The following GRM5 variants were observed in gnomAD, a reference collection of about 807,000 sequenced individuals.
The protein encoded by GRM5 is metabotropic glutamate receptor 5.
Under a neutral mutation model 83.1 loss-of-function variants are expected in GRM5, and 19 were observed. The observed-to-expected ratio is 0.23, with a 90% CI of 0.16 to 0.34. The LOEUF (loss-of-function observed/expected upper bound fraction) is 0.34. GRM5 is among the 10% of genes least tolerant of loss of function. The probability of loss-of-function intolerance (pLI) is 1.00; values close to 1 mark genes in which losing one functional copy is unlikely to be tolerated. For synonymous variants in GRM5, 675 were observed against 633.6 expected (o/e 1.07, Z -0.98); for missense variants, 1,160 against 1,588.3 (o/e 0.73, Z 4.58).
At chr11:88,735,062 T>C (rs977280945) in intron 3 of GRM5, among the ~76,000 whole-genome samples, 5 of 152,134 alleles carry the variant, frequency 3.3e-5, no homozygotes, top group Middle Eastern at 3.4e-3. Context: ...AATAAACCTA[T>C]CTTAAGATCT....
intron 2 of GRM5, among the ~76,000 whole-genome samples, chr11:88,886,281 A>G (rs368190934): frequency 7.0e-4 from 106 of 152,248 alleles, no homozygotes; most frequent in Middle Eastern, 3.4e-3. Context: ...CTGGGTTTAC[A>G]CCCCAGACAT....
intron 8 of GRM5, among the ~76,000 whole-genome samples, chr11:88,566,168 A>G (rs1378685087): frequency 1.3e-5 from 2 of 152,214 alleles, no homozygotes; most frequent in South Asian, 2.1e-4. Flanking sequence ...TACACATTAC[A>G]CTTCTTAAAT....
chr11:88,813,762 TAAAG>T (rs1943624229), intron 3 of GRM5, among the ~76,000 whole-genome samples: 3 of 152,292 alleles, frequency 2.0e-5, no homozygotes, highest in South Asian at 4.1e-4. Context: ...ATATAACATA[TAAAG>T]ATTCATATAA....
At chr11:88,581,413 C>T (rs1189925586) in intron 7 of GRM5, among the ~76,000 whole-genome samples, 2 of 152,134 alleles carry the variant, frequency 1.3e-5, no homozygotes, top group African/African-American at 4.8e-5. Flanking sequence ...TGCTTTAAGT[C>T]GCACAATGAG....
At chr11:88,865,273 G>T (rs1944642558) in intron 2 of GRM5, among the ~76,000 whole-genome samples, 1 of 152,052 alleles carries the variant, frequency 6.6e-6, no homozygotes, top group Non-Finnish European at 1.5e-5. Flanking sequence ...GCAACCACCT[G>T]ATGTTTGACA....
intron 7 of GRM5, among the ~76,000 whole-genome samples, chr11:88,589,186 C>T (rs1249015818): frequency 6.6e-6 from 1 of 152,082 alleles, no homozygotes; most frequent in Non-Finnish European, 1.5e-5. Context: ...GCTCCTCACC[C>T]TTCTTCAAGA....
chr11:88,923,339 C>T (rs536278060), intron 2 of GRM5, among the ~76,000 whole-genome samples: 170 of 152,162 alleles, frequency 1.1e-3, no homozygotes, highest in Non-Finnish European at 1.9e-3. Flanking sequence ...GCAAATGTAG[C>T]GCATATACAC....
At position 88,545,454 on chromosome 11, in the gene GRM5, GC is replaced by G. The variant is rs576047531; in HGVS notation, c.2631-20051del. 2.2e-4 allele frequency among the ~76,000 whole-genome samples: 32 copies of G among 147,670 alleles called. 1 individual carries two copies. The highest frequency in any genetic ancestry group is 3.1e-4 in the Non-Finnish European group (21 of 66,930). On this transcript the variant is annotated intron_variant, in intron 8 of 9. Transcript: ENST00000305447. ...GTCCTATTATTATCAAATGCAGTTG[GC>G]CCCCCCTCCCCCACCCTTTGATTCT...
intron 3 of GRM5, among the ~76,000 whole-genome samples, chr11:88,722,016 G>A (rs181012362): frequency 3.9e-5 from 6 of 152,240 alleles, no homozygotes; most frequent in East Asian, 1.9e-4. Context: ...CACATGGCCC[G>A]ACACTGGGTA....
intron 9 of GRM5, among the ~76,000 whole-genome samples, chr11:88,512,718 A>G (rs571541255): frequency 6.6e-6 from 1 of 152,318 alleles, no homozygotes; most frequent in East Asian, 1.9e-4. Context: ...CATTTGGTTA[A>G]GGTTGTTTTG....
At chr11:88,751,364 A>C (rs571946409) in intron 3 of GRM5, among the ~76,000 whole-genome samples, 1 of 152,328 alleles carries the variant, frequency 6.6e-6, no homozygotes, top group South Asian at 2.1e-4. Context: ...GAAGAAACCG[A>C]TACATTTCTG....
chr11:88,526,363 TA>T (rs1303755428), intron 8 of GRM5, among the ~76,000 whole-genome samples: 1 of 152,198 alleles, frequency 6.6e-6, no homozygotes, highest in African/African-American at 2.4e-5. Flanking sequence ...GTAAGGTTTT[TA>T]AAAAAGAACT....
At chr11:88,866,172 G>A (rs1270619680) in intron 2 of GRM5, among the ~76,000 whole-genome samples, 3 of 152,170 alleles carry the variant, frequency 2.0e-5, no homozygotes, top group South Asian at 4.1e-4. Context: ...ATCAGTGATA[G>A]ACTGGATAAA....
chr11:88,828,740 A>C (rs1943935999), intron 3 of GRM5, among the ~76,000 whole-genome samples: 2 of 152,064 alleles, frequency 1.3e-5, no homozygotes, highest in South Asian at 4.1e-4. Flanking sequence ...TGCATGTTTA[A>C]AATCCAAAAC....
At chr11:89,050,546 T>G (rs1180656563) in intron 1 of GRM5, among the ~76,000 whole-genome samples, 1 of 152,192 alleles carries the variant, frequency 6.6e-6, no homozygotes, top group Admixed American at 6.5e-5. Context: ...CCACGCTGAC[T>G]TCCACAATGA....
At chr11:88,904,265 G>A (rs1474794700) in intron 2 of GRM5, among the ~76,000 whole-genome samples, 3 of 152,192 alleles carry the variant, frequency 2.0e-5, no homozygotes, top group African/African-American at 7.2e-5. Context: ...CACTTGTCAA[G>A]CTTTCATTGC....
At chr11:88,565,119 C>G (rs1008468877) in intron 8 of GRM5, among the ~76,000 whole-genome samples, 1 of 150,986 alleles carries the variant, frequency 6.6e-6, no homozygotes, top group South Asian at 2.1e-4. Context: ...TTCTTTATCT[C>G]CATTTTTTCG....
chr11:88,754,766 C>A (rs557933562), intron 3 of GRM5, among the ~76,000 whole-genome samples: 2 of 151,972 alleles, frequency 1.3e-5, no homozygotes, highest in South Asian at 4.2e-4. Flanking sequence ...CCTTTTTATC[C>A]CCTCCTAAAT....
At chr11:88,951,758 G>A (rs1278868632) in intron 2 of GRM5, among the ~76,000 whole-genome samples, 1 of 152,190 alleles carries the variant, frequency 6.6e-6, no homozygotes, top group Non-Finnish European at 1.5e-5. Flanking sequence ...AAGTACAATT[G>A]TTGGCACATA....
Sources: allele counts gnomAD v4.1 joint callset (sites outside exome capture counted in the v4.1 genomes callset), GRCh38; gene constraint gnomAD v4.1.1; transcripts MANE v1.5; gene names NCBI Gene and HGNC (gene_info 2026-07-23, HGNC 2026-07-21).